The following UPF3B variants were observed in gnomAD, a reference collection of about 807,000 sequenced individuals.
UPF3B encodes the protein UPF3B regulator of nonsense mediated mRNA decay.
In UPF3B, 7 loss-of-function variants were observed where a neutral mutation model predicts 40.3. The observed-to-expected ratio is 0.17, with a 90% CI of 0.10 to 0.33. UPF3B has a LOEUF of 0.33. UPF3B is among the 10% of genes least tolerant of loss of function. The pLI is 1.00. For synonymous variants in UPF3B, 117 were observed against 117.3 expected, an observed-to-expected ratio of 1.00 and a Z score of 0.01; for missense variants, 229 against 358.9, an observed-to-expected ratio of 0.64 and a Z score of 2.93.
intron 3 of UPF3B, among the ~76,000 whole-genome samples, chrX:119,828,704 T>C (rs1317276195): frequency 4.6e-5 from 5 of 109,456 alleles, no homozygotes; most frequent in Non-Finnish European, 5.7e-5. Context: ...TTATAGGAAC[T>C]TACTGCACAT....
chrX:119,813,870 CT>C (rs2055843393), intron 5 of UPF3B, among the ~76,000 whole-genome samples: 1 of 110,576 alleles, frequency 9.0e-6, no homozygotes, highest in Non-Finnish European at 1.9e-5. Flanking sequence ...GGCCAAACTT[CT>C]TTTCTTATCA....
rs981656786 is a variant in UPF3B at position 119,810,271 on chromosome X, A to G, written c.603-2690T>C. ...CTTTCAATGGAAATTTTAAACAAGT[A>G]GGCTCTATTGGTTGCTACAAAATTA... On this transcript the variant is annotated intron_variant, in intron 5 of 6. Transcript: ENST00000636792. Among the ~76,000 whole-genome samples the G allele has an allele frequency of 7.1e-5, 8 of 112,434 alleles. No individual in the cohort carries two copies. The Admixed American group carries it at 7.6e-4, about 11-fold the overall frequency.
In UPF3B at chrX:119,837,854, T is replaced by C; in HGVS notation, c.1205A>G (p.Asp402Gly). The stretch of plus-strand genomic sequence containing the variant: ...TGTACTTTCAGCCTTCTTTCCTTTA[T>C]CCCGAAGTGTGTCTTTCTCTTTTTT... ...EMKKEKDTLRDKGKKAESTES... is the reference protein window; with the variant it reads ...EMKKEKDTLRGKGKKAESTES... The change falls in exon 10 of 11, where the codon GAT (aspartate) becomes GGT (glycine). Residue 402 changes from aspartate to glycine, a missense_variant. Coordinates refer to ENST00000276201, the MANE Select transcript of UPF3B (RefSeq NM_080632.3). 3.3e-6 allele frequency: 4 copies of C among 1,210,867 alleles called. No individual in the cohort carries two copies. The highest frequency in any genetic ancestry group is 1.7e-5 in the African/African-American group (1 of 57,700).
At position 119,834,323 on chromosome X, in the gene UPF3B, C is replaced by A. The variant is rs1174935802; in HGVS notation, c.*555G>T. On this transcript the variant is annotated 3_prime_UTR_variant, in exon 11 of 11. Transcript: ENST00000276201. ...TCCTAAAACTTTAGGACACTGGATACAGAAGTAACATAACTATTTAAATTT... is the reference window on the plus strand; with the variant it reads ...TCCTAAAACTTTAGGACACTGGATAAAGAAGTAACATAACTATTTAAATTT... The A allele has an allele frequency of 1.3e-6, 1 of 755,612 alleles. No individual in the cohort carries two copies. The highest frequency in any genetic ancestry group is 8.3e-5 in the Admixed American group (1 of 12,064). 62.3% of individuals were successfully genotyped at this position (755,612 alleles called of 1,213,427 possible). A position where few individuals can be genotyped will look rare whatever the true frequency, so the allele number is the denominator to read the frequency against.
chrX:119,817,865 A>G (rs191165154), intron 4 of UPF3B, among the ~76,000 whole-genome samples: 2 of 112,018 alleles, frequency 1.8e-5, no homozygotes, highest in Non-Finnish European at 3.8e-5. Context: ...TTATGGGGAC[A>G]ATGCCCCTAA....
chrX:119,814,689 C>T (rs753160966), intron 5 of UPF3B, among the ~76,000 whole-genome samples: 106 of 111,586 alleles, frequency 9.5e-4, no homozygotes, highest in Admixed American at 1.8e-3. Context: ...GACATTTCCC[C>T]CTGCAAATTG....
Position 119,834,387 on chromosome X carries a change from T to C in UPF3B, c.*491A>G. 1.3e-6 allele frequency: 1 copy of C among 779,482 alleles called. No homozygotes were observed. The highest frequency in any genetic ancestry group is 1.5e-6 in the Non-Finnish European group (1 of 654,732). 64.2% of individuals were successfully genotyped at this position (779,482 alleles called of 1,213,427 possible). Reference sequence around the variant, plus strand: ...AGTGTGTTCTATCCTTCACTGTACCTGTACTACAAGGACATGCTTGTTGCT... The same window carrying C: ...AGTGTGTTCTATCCTTCACTGTACCCGTACTACAAGGACATGCTTGTTGCT... On this transcript the variant is annotated 3_prime_UTR_variant, in exon 11 of 11. Coordinates refer to ENST00000276201, the MANE Select transcript of UPF3B (RefSeq NM_080632.3).
In UPF3B at chrX:119,814,328, T is replaced by C. The variant is rs1211192504; in HGVS notation, c.602+872A>G. Among the ~76,000 whole-genome samples the C allele has an allele frequency of 4.5e-5, 5 of 112,166 alleles. No homozygotes were observed. The East Asian group carries it at 1.1e-3, about 25-fold the overall frequency. ...AAAATGCTGGAGACAAAACAAGATG[T>C]TTAAAAATATTCTTCATGCCAAGCT... On this transcript the variant is annotated intron_variant, in intron 5 of 6. Transcript: ENST00000636792.
chrX:119,842,322 G>A (rs780260567), intron 5 of UPF3B, among the ~76,000 whole-genome samples: 13 of 111,355 alleles, frequency 1.2e-4, no homozygotes, highest in African/African-American at 3.9e-4. Flanking sequence ...AGTGGCTCAT[G>A]CCTGTAATCC....
chrX:119,817,485 C>A (rs752762592), intron 4 of UPF3B, among the ~76,000 whole-genome samples: 2 of 112,122 alleles, frequency 1.8e-5, no homozygotes, highest in Admixed American at 9.5e-5. Context: ...AATCCAATCA[C>A]CTCCTACCAA....
At chrX:119,841,991 T>TA (rs1448299913) in intron 5 of UPF3B, among the ~76,000 whole-genome samples, 1 of 112,295 alleles carries the variant, frequency 8.9e-6, no homozygotes, top group African/African-American at 3.2e-5. Flanking sequence ...AAATTCAAAT[T>TA]AAAACAACAA....
At chrX:119,835,493 C>T (rs145263191) in intron 10 of UPF3B, among the ~76,000 whole-genome samples, 179 of 111,938 alleles carry the variant, frequency 1.6e-3, no homozygotes, top group African/African-American at 5.6e-3. Context: ...ACTTGGCCTC[C>T]CAAATTGTTG....
At chrX:119,850,560 C>T (rs763848190) in intron 3 of UPF3B, among the ~76,000 whole-genome samples, 105 of 110,707 alleles carry the variant, frequency 9.5e-4, no homozygotes, top group Non-Finnish European at 1.8e-3. Context: ...TTGAAAAAAA[C>T]AAAACAAAAC....
intron 3 of UPF3B, among the ~76,000 whole-genome samples, chrX:119,824,756 ATTTC>A (rs1345517130): frequency 1.2e-5 from 1 of 84,518 alleles, no homozygotes; most frequent in South Asian, 5.8e-4. Flanking sequence ...ATGTATCTCC[ATTTC>A]TTTCTTTTTT....
Position 119,841,677 on chromosome X carries a change from T to C in UPF3B, c.624+58A>G, listed in dbSNP as rs778916666. ...AAACCCAATGCTCTTAAAATGTTTA[T>C]AGAATGCAAAGCAAAGAAATTAAAG... On this transcript the variant is annotated intron_variant, in intron 6 of 10. Coordinates refer to ENST00000276201, the MANE Select transcript of UPF3B (RefSeq NM_080632.3). The C allele has an allele frequency of 3.3e-5, 35 of 1,059,001 alleles. No individual in the cohort carries two copies. In the South Asian group the frequency reaches 5.3e-4, roughly 16 times the overall value. 87.3% of individuals were successfully genotyped at this position (1,059,001 alleles called of 1,213,427 possible).
At chrX:119,806,797 G>T (rs1249072886) in intron 6 of UPF3B, among the ~76,000 whole-genome samples, 1 of 110,174 alleles carries the variant, frequency 9.1e-6, no homozygotes, top group Non-Finnish European at 1.9e-5. Flanking sequence ...GAAGGCCGAA[G>T]CGGGGGGAAT....
chrX:119,839,766 T>C (rs1005288199), intron 8 of UPF3B, among the ~76,000 whole-genome samples: 1 of 112,024 alleles, frequency 8.9e-6, no homozygotes, highest in Non-Finnish European at 1.9e-5. Context: ...GCAGGTTTCA[T>C]TGGAAGTGCT....
At chrX:119,814,188 A>G (rs1266573406) in intron 5 of UPF3B, among the ~76,000 whole-genome samples, 1 of 112,043 alleles carries the variant, frequency 8.9e-6, no homozygotes, top group African/African-American at 3.2e-5. Flanking sequence ...ACAGGAATAG[A>G]CATCGGTGCA....
At chrX:119,806,685 G>T (rs2055793819) in intron 6 of UPF3B, among the ~76,000 whole-genome samples, 1 of 110,796 alleles carries the variant, frequency 9.0e-6, no homozygotes, top group Admixed American at 9.8e-5. Context: ...CATGCTTGTT[G>T]CTTCTACACT....
Sources: gnomAD v4.1 joint callset for allele counts (sites outside exome capture counted in the v4.1 genomes callset) on GRCh38, gnomAD v4.1.1 for gene constraint, MANE v1.5 for transcripts, NCBI Gene and HGNC (gene_info 2026-07-23, HGNC 2026-07-21) for gene names.